Variants in ADCY2 observed in about 807,000 individuals in gnomAD.
ADCY2 encodes adenylate cyclase type 2.
In ADCY2, 31 loss-of-function variants were observed where a neutral mutation model predicts 125.2. The ratio of observed to expected loss-of-function variants is 0.25; its 90% CI spans 0.19 to 0.33. ADCY2 has a LOEUF of 0.33. Among genes scored for constraint, ADCY2 ranks in the 10% least tolerant of loss-of-function variants. ADCY2 has a pLI of 1.00. For synonymous variants in ADCY2, 512 were observed against 548.4 expected (o/e 0.93, Z 0.93); for missense variants, 904 against 1,418.2 (o/e 0.64, Z 5.82).
chr5:7,479,004 A>G (rs1464741731), intron 2 of ADCY2, among the ~76,000 whole-genome samples: 1 of 152,214 alleles, frequency 6.6e-6, no homozygotes, highest in Admixed American at 6.5e-5. Context: ...TTATAAAGGC[A>G]TAACTTTTTT....
At chr5:7,635,563 T>C (rs753697207) in intron 4 of ADCY2, among the ~76,000 whole-genome samples, 1 of 152,064 alleles carries the variant, frequency 6.6e-6, no homozygotes, top group South Asian at 2.1e-4. Context: ...AAATCCAGAT[T>C]TGAGTTTTTA....
intron 2 of ADCY2, among the ~76,000 whole-genome samples, chr5:7,517,426 C>T (rs905103036): frequency 6.6e-6 from 1 of 152,040 alleles, no homozygotes; most frequent in Non-Finnish European, 1.5e-5. Context: ...TACATATGGC[C>T]CTATTTGAAG....
chr5:7,583,585 C>T (rs1446946350), intron 3 of ADCY2, among the ~76,000 whole-genome samples: 1 of 151,978 alleles, frequency 6.6e-6, no homozygotes. Flanking sequence ...CAAAATGACT[C>T]AATTTAAAAG....
At chr5:7,520,977 C>G in intron 3 of ADCY2, 78 bp downstream of exon 3, 1 of 1,557,908 alleles carries the variant, frequency 6.4e-7, no homozygotes, top group Non-Finnish European at 8.7e-7. Context: ...CTGGCCCATT[C>G]AGGGTGTGTG....
At position 7,707,831 on chromosome 5, in the gene ADCY2, A is replaced by T. The variant is rs2126354625; in HGVS notation, c.1394A>T (p.Asn465Ile). ...CTGGTGAAAACCTACTTTGTGATCA[A>T]CCCCAAGGTCAGTATCATTGTAAAG... Reference protein sequence around the residue: ...QHLVKTYFVINPKGERRSPQH... With the variant: ...QHLVKTYFVIIPKGERRSPQH... The change falls in exon 9 of 25, where the codon AAC (asparagine) becomes ATC (isoleucine). Residue 465 changes from asparagine to isoleucine, a missense_variant. Physicochemically the swap from Asn to Ile is moderately radical, Grantham distance 149 (BLOSUM62 -3). Around this residue, in one of 7 missense-constraint regions of ADCY2, gnomAD observed 144 missense variants for 227.7 expected, o/e 0.63. Coordinates refer to ENST00000338316, the MANE Select transcript of ADCY2 (RefSeq NM_020546.3). The T allele has an allele frequency of 6.2e-7, 1 of 1,614,084 alleles. No individual in the cohort carries two copies. The highest frequency in any genetic ancestry group is 1.7e-5 in the Admixed American group (1 of 60,020).
At chr5:7,466,606 G>A (rs1443491115) in intron 2 of ADCY2, among the ~76,000 whole-genome samples, 2 of 152,204 alleles carry the variant, frequency 1.3e-5, no homozygotes, top group Non-Finnish European at 2.9e-5. Context: ...TGGAAGAGAA[G>A]TGAAAACACC....
rs191465681 is a variant in ADCY2, at chr5:7,711,235, C to A, written c.1579-1621C>A. On this transcript the variant is annotated intron_variant, in intron 10 of 24. Coordinates refer to ENST00000338316, the MANE Select transcript of ADCY2 (RefSeq NM_020546.3). ...ACAATCCAAGGTGGGAGGCCTGGGG[C>A]AGCTGGGGCCTTCCAGCATTTAGAT... Among the ~76,000 whole-genome samples the A allele has an allele frequency of 6.9e-3, 1,043 of 152,242 alleles. 5 individuals are homozygous for A. The highest frequency in any genetic ancestry group is 0.011 in the Non-Finnish European group (730 of 67,990).
intron 4 of ADCY2, among the ~76,000 whole-genome samples, chr5:7,648,294 A>G (rs956024051): frequency 1.3e-5 from 2 of 152,172 alleles, no homozygotes; most frequent in Non-Finnish European, 2.9e-5. Flanking sequence ...CATCCTAGCT[A>G]ATTATTTTCA....
At chr5:7,506,514 GA>G (rs1352619317) in intron 2 of ADCY2, among the ~76,000 whole-genome samples, 1 of 152,032 alleles carries the variant, frequency 6.6e-6, no homozygotes, top group East Asian at 1.9e-4. Context: ...CATTGCCCGA[GA>G]AAAAAATGGT....
At chr5:7,658,759 A>C (rs931905617) in intron 4 of ADCY2, among the ~76,000 whole-genome samples, 1 of 152,194 alleles carries the variant, frequency 6.6e-6, no homozygotes, top group Non-Finnish European at 1.5e-5. Flanking sequence ...AGGGGCTGGC[A>C]ATTCCAAAAC....
intron 2 of ADCY2, among the ~76,000 whole-genome samples, chr5:7,459,399 G>A (rs1277825764): frequency 2.0e-5 from 3 of 152,176 alleles, no homozygotes; most frequent in Non-Finnish European, 4.4e-5. Context: ...TTTCACGGAT[G>A]TGCACAGGTG....
rs1048874552 is a variant in ADCY2, at chr5:7,829,923, TAAG to T, written c.*3055_*3057del. On this transcript the variant is annotated 3_prime_UTR_variant, in exon 25 of 25. Transcript: ENST00000338316. Reference sequence around the variant, plus strand: ...CAAGACCCCCATCTCTGCAAAAAAATAAGAAAATTAGCTTGGCATGGTGGCACG... The same window carrying T: ...CAAGACCCCCATCTCTGCAAAAAAATAAAATTAGCTTGGCATGGTGGCACG... 8.6e-5 allele frequency: 13 copies of T among 151,538 alleles called. No homozygotes were observed. Among genetic ancestry groups the T allele is most frequent in the Non-Finnish European group, 1.9e-4 (13 of 67,950 alleles). The allele number at this position is 151,538 out of a possible 1,614,324, so 9.4% of individuals were successfully genotyped here.
At chr5:7,512,721 C>T (rs1744113968) in intron 2 of ADCY2, among the ~76,000 whole-genome samples, 1 of 152,054 alleles carries the variant, frequency 6.6e-6, no homozygotes, top group Admixed American at 6.5e-5. Flanking sequence ...GGTATATGAA[C>T]ATGGGAATTA....
chr5:7,498,008 G>C (rs1743400725), intron 2 of ADCY2, among the ~76,000 whole-genome samples: 1 of 152,018 alleles, frequency 6.6e-6, no homozygotes, highest in Admixed American at 6.6e-5. Context: ...TGTTTTCTAG[G>C]ACACCTTCAT....
intron 3 of ADCY2, among the ~76,000 whole-genome samples, chr5:7,594,247 C>T (rs1182346155): frequency 6.6e-6 from 1 of 152,034 alleles, no homozygotes; most frequent in Non-Finnish European, 1.5e-5. Context: ...TGGCTTGGAC[C>T]TGGGCATTAG....
At chr5:7,555,975 A>G (rs1735496186) in intron 3 of ADCY2, among the ~76,000 whole-genome samples, 1 of 152,048 alleles carries the variant, frequency 6.6e-6, no homozygotes, top group Non-Finnish European at 1.5e-5. Flanking sequence ...GTACTGCACA[A>G]TATGGTAGCC....
At chr5:7,491,412 A>G (rs1561054864) in intron 2 of ADCY2, among the ~76,000 whole-genome samples, 1 of 152,076 alleles carries the variant, frequency 6.6e-6, no homozygotes, top group African/African-American at 2.4e-5. Flanking sequence ...AATGATATAT[A>G]TTTTTTATCA....
intron 4 of ADCY2, among the ~76,000 whole-genome samples, chr5:7,651,582 G>A (rs1038639103): frequency 6.6e-6 from 1 of 152,032 alleles, no homozygotes. Context: ...TATTCTGGCC[G>A]CGCTGGCAGC....
At chr5:7,557,519 C>T (rs1366653376) in intron 3 of ADCY2, among the ~76,000 whole-genome samples, 3 of 152,094 alleles carry the variant, frequency 2.0e-5, no homozygotes, top group Non-Finnish European at 2.9e-5. Flanking sequence ...AATCCTCTCC[C>T]TCCTCCCACC....
Sources: allele counts gnomAD v4.1 joint callset (sites outside exome capture counted in the v4.1 genomes callset), GRCh38; gene constraint gnomAD v4.1.1; regional missense constraint gnomAD v4.1.1; transcripts MANE v1.5; gene names NCBI Gene and HGNC (gene_info 2026-07-23, HGNC 2026-07-21).